PHF20L1: variants seen among roughly 807,000 people sequenced by gnomAD.
The protein encoded by PHF20L1 is PHD finger protein 20 like 1.
A neutral mutation model predicts 125.5 loss-of-function variants in PHF20L1; 44 were observed. The ratio of observed to expected loss-of-function variants is 0.35; its 90% CI spans 0.28 to 0.45. The LOEUF (loss-of-function observed/expected upper bound fraction) is 0.45. Ranked by LOEUF, PHF20L1 falls within the 20% of genes least tolerant of loss-of-function variation. The pLI is 1.00. For synonymous variants in PHF20L1, 380 were observed against 403.1 expected (o/e 0.94, Z 0.69); for missense variants, 1,012 against 1,217.2 (o/e 0.83, Z 2.51).
rs74674826 is a variant in PHF20L1, at chr8:132,795,159, A to C, written c.340+342A>C. On this transcript the variant is annotated intron_variant, in intron 4 of 20. Coordinates refer to ENST00000395386, the MANE Select transcript of PHF20L1 (RefSeq NM_016018.5). ...TGAACATCTACCCAAGAGTGTGAGG[A>C]AAGGTTAAAGATTTAGGGGAATTCA... Among the ~76,000 whole-genome samples, 594 of 152,212 alleles carry C rather than the reference A, an allele frequency of 3.9e-3. 4 individuals carry two copies. The highest frequency in any genetic ancestry group is 0.012 in the African/African-American group (504 of 41,554).
intron 15 of PHF20L1, among the ~76,000 whole-genome samples, chr8:132,835,235 A>T (rs1171285608): frequency 6.6e-6 from 1 of 152,082 alleles, no homozygotes; most frequent in Non-Finnish European, 1.5e-5. Flanking sequence ...GCTGTCATGG[A>T]TTCTGATATT....
At chr8:132,835,837 G>A (rs1208065103) in intron 15 of PHF20L1, among the ~76,000 whole-genome samples, 1 of 151,994 alleles carries the variant, frequency 6.6e-6, no homozygotes, top group East Asian at 1.9e-4. Flanking sequence ...TGTTTAAAGT[G>A]CTTAATATAG....
chr8:132,824,978 G>C, intron 13 of PHF20L1: 1 of 1,326,816 alleles, frequency 7.5e-7, no homozygotes, highest in South Asian at 1.2e-5. Context: ...TACCACATCA[G>C]GAAATTGAGA....
In PHF20L1 at chr8:132,839,492, A is replaced by G. The variant is rs1587085046; in HGVS notation, c.2297A>G (p.Lys766Arg). 4.3e-6 allele frequency: 7 copies of G among 1,613,294 alleles called. No individual in the cohort carries two copies. Among genetic ancestry groups the G allele is most frequent in the East Asian group, 2.2e-5 (1 of 44,870 alleles). Residue 766 changes from lysine to arginine, a missense_variant, in exon 18 of 21, where the codon AAA becomes AGA. Physicochemically the swap from Lys to Arg is conservative, Grantham distance 26. This residue lies in a region of PHF20L1 where 55 missense variants were observed against 114.8 expected (regional missense o/e 0.48). Coordinates refer to ENST00000395386, the MANE Select transcript of PHF20L1 (RefSeq NM_016018.5). ...FKENYSHLNA[K>R]KIVSTHHLLA... ...GAAAATTATTCTCATCTCAATGCCA[A>G]AAAGATAGTTTCTACACATCACCTG...
At chr8:132,840,934 T>C (rs1445297846) in intron 18 of PHF20L1, among the ~76,000 whole-genome samples, 1 of 152,112 alleles carries the variant, frequency 6.6e-6, no homozygotes, top group East Asian at 1.9e-4. Context: ...TCAGTAACTA[T>C]TTGTTGAATA....
chr8:132,821,117 C>T (rs777676662), intron 12 of PHF20L1, among the ~76,000 whole-genome samples: 9 of 151,966 alleles, frequency 5.9e-5, no homozygotes, highest in Non-Finnish European at 1.3e-4. Context: ...CCTGAGTTTT[C>T]GGGTAGCATT....
chr8:132,812,305 C>A, intron 9 of PHF20L1: 2 of 984,970 alleles, frequency 2.0e-6, no homozygotes, highest in Non-Finnish European at 2.4e-6. Context: ...TAAAATGTTT[C>A]TGGAAAATTC....
intron 8 of PHF20L1, chr8:132,806,271 A>C (rs1472443871): frequency 6.6e-6 from 1 of 152,034 alleles, no homozygotes; most frequent in Non-Finnish European, 1.5e-5. Context: ...AAAACAAAAA[A>C]CTACAACACA....
At chr8:132,823,221 A>G (rs1313993430) in intron 12 of PHF20L1, among the ~76,000 whole-genome samples, 1 of 152,024 alleles carries the variant, frequency 6.6e-6, no homozygotes, top group Admixed American at 6.6e-5. Context: ...GGCTATTATC[A>G]TTACCTAACA....
intron 15 of PHF20L1, among the ~76,000 whole-genome samples, chr8:132,832,613 T>C (rs1419982406): frequency 6.6e-6 from 1 of 152,056 alleles, no homozygotes; most frequent in African/African-American, 2.4e-5. Context: ...AAGGAAAATA[T>C]TACTAGTGTA....
At position 132,847,218 on chromosome 8, in the gene PHF20L1, CAT is replaced by C. The variant is rs1271662366; in HGVS notation, c.*1298_*1299del. ...ACATAATCTACACATATTTATATCA[CAT>C]ATCTAGTTTTATTACTATAGACTAT... On this transcript the variant is annotated 3_prime_UTR_variant, in exon 21 of 21. Transcript: ENST00000395386. The C allele has an allele frequency of 6.6e-6, 1 of 152,552 alleles. No homozygotes were observed. Among genetic ancestry groups the C allele is most frequent in the Non-Finnish European group, 1.5e-5 (1 of 68,016 alleles). The allele number at this position is 152,552 out of a possible 1,614,324, so 9.4% of individuals were successfully genotyped here. A position where few individuals can be genotyped will look rare whatever the true frequency, so the allele number is the denominator to read the frequency against.
chr8:132,844,034 C>T, intron 19 of PHF20L1, 122 bp from the exon 20 acceptor site: 1 of 1,476,872 alleles, frequency 6.8e-7, no homozygotes, highest in Non-Finnish European at 9.0e-7. Flanking sequence ...TAAAGATACC[C>T]CTGGAGTCAG....
rs1563806654 is a variant in PHF20L1, at chr8:132,804,005, G to T, written c.694G>T (p.Asp232Tyr). ...CACACCAGACGTAGAGAAGAAGGAA[G>T]ATCTGCCTACATCTAGTGAAACATT... ...IATPDVEKKE[D>Y]LPTSSETFGL... The change falls in exon 7 of 21, where the codon GAT becomes TAT. Residue 232 changes from aspartate to tyrosine, a missense_variant. Asp to Tyr is a radical substitution (Grantham distance 160). This residue lies in a region of PHF20L1 where 134 missense variants were observed against 145.9 expected (regional missense o/e 0.92). Coordinates refer to ENST00000395386, the MANE Select transcript of PHF20L1 (RefSeq NM_016018.5). 2 of 1,532,496 alleles carry T rather than the reference G, an allele frequency of 1.3e-6. No homozygotes were observed. Among genetic ancestry groups the T allele is most frequent in the Non-Finnish European group, 1.8e-6 (2 of 1,107,046 alleles). The allele number at this position is 1,532,496 out of a possible 1,614,324, so 94.9% of individuals were successfully genotyped here. A position where few individuals can be genotyped will look rare whatever the true frequency, so the allele number is the denominator to read the frequency against.
At chr8:132,782,974 A>G (rs1297333709) in intron 2 of PHF20L1, among the ~76,000 whole-genome samples, 1 of 152,214 alleles carries the variant, frequency 6.6e-6, no homozygotes, top group African/African-American at 2.4e-5. Context: ...CATTCTGAAT[A>G]TAGTTTAGTA....
intron 8 of PHF20L1, among the ~76,000 whole-genome samples, chr8:132,804,953 A>G (rs986317528): frequency 6.6e-6 from 1 of 151,884 alleles, no homozygotes; most frequent in Admixed American, 6.6e-5. Context: ...TCTTCTACCT[A>G]CCTCACAGGG....
intron 2 of PHF20L1, among the ~76,000 whole-genome samples, chr8:132,781,265 G>C (rs1449131396): frequency 5.3e-5 from 8 of 152,150 alleles, no homozygotes; most frequent in African/African-American, 1.9e-4. Flanking sequence ...GATTTAACAG[G>C]AAGACTCAAT....
intron 13 of PHF20L1, 51 bp downstream of exon 13, chr8:132,824,111 A>T: frequency 8.6e-7 from 1 of 1,160,480 alleles, no homozygotes; most frequent in Non-Finnish European, 1.3e-6. Flanking sequence ...CTTGACAGAG[A>T]GGGAGGACAT....
intron 2 of PHF20L1, among the ~76,000 whole-genome samples, chr8:132,790,294 A>G (rs1020437854): frequency 2.0e-5 from 3 of 152,230 alleles, no homozygotes; most frequent in Admixed American, 1.3e-4. Context: ...ATGTATCAAA[A>G]CATTACTATG....
intron 4 of PHF20L1, among the ~76,000 whole-genome samples, chr8:132,796,718 T>C (rs1396197311): frequency 6.6e-6 from 1 of 152,100 alleles, no homozygotes; most frequent in African/African-American, 2.4e-5. Context: ...AGCTGTGTTA[T>C]GGAGCTTACA....
Sources: allele counts gnomAD v4.1 joint callset (sites outside exome capture counted in the v4.1 genomes callset), GRCh38; gene constraint gnomAD v4.1.1; regional missense constraint gnomAD v4.1.1; transcripts MANE v1.5; gene names NCBI Gene and HGNC (gene_info 2026-07-23, HGNC 2026-07-21).